The following CTBP2 variants were observed in gnomAD, a reference collection of about 807,000 sequenced individuals.
CTBP2 encodes the protein C-terminal-binding protein 2.
CTBP2 carries 30 observed loss-of-function variants against 80.3 expected under a neutral mutation model. That is an observed-to-expected ratio of 0.37 (90% CI 0.28 to 0.51). CTBP2 has a LOEUF of 0.51. Among genes scored for constraint, CTBP2 ranks in the 20% least tolerant of loss-of-function variants. CTBP2 has a pLI of 0.93. For synonymous variants in CTBP2, 594 were observed against 587.4 expected (o/e 1.01, Z -0.16); for missense variants, 1,212 against 1,375.3 (o/e 0.88, Z 1.88).
chr10:125,002,888 C>T (rs1050012976), intron 3 of CTBP2, 72 bp downstream of exon 5: 3 of 1,574,428 alleles, frequency 1.9e-6, no homozygotes, highest in South Asian at 1.1e-5. Context: ...CCAGCTGCTT[C>T]TCCAAGCCCA....
At chr10:124,993,703 C>T (rs1953037960) in intron 6 of CTBP2, 152 bp downstream of exon 8, 5 of 1,078,436 alleles carry the variant, frequency 4.6e-6, no homozygotes, top group Non-Finnish European at 6.7e-6. Context: ...GAATACAGCA[C>T]AATCCTTAGA....
chr10:125,034,402 A>T (rs1015760718), intron 3 of CTBP2, among the ~76,000 whole-genome samples: 2 of 152,204 alleles, frequency 1.3e-5, no homozygotes, highest in Non-Finnish European at 2.9e-5. Flanking sequence ...TTACCTTTGC[A>T]TAAGATTGTT....
intron 1 of CTBP2, among the ~76,000 whole-genome samples, chr10:125,147,125 T>C (rs1858923364): frequency 6.6e-6 from 1 of 152,170 alleles, no homozygotes; most frequent in South Asian, 2.1e-4. Context: ...AAGGGAGCTA[T>C]GATGATGACG....
At chr10:125,120,386 ATTTCTTTT>A (rs971472709) in intron 1 of CTBP2, among the ~76,000 whole-genome samples, 1 of 152,026 alleles carries the variant, frequency 6.6e-6, no homozygotes, top group African/African-American at 2.4e-5. Flanking sequence ...TATCAACACC[ATTTCTTTT>A]TTTCTTTTTT....
chr10:125,063,558 G>C (rs1420255342), intron 2 of CTBP2, among the ~76,000 whole-genome samples: 2 of 152,152 alleles, frequency 1.3e-5, no homozygotes, highest in Non-Finnish European at 2.9e-5. Context: ...GAAGTAAAAT[G>C]CTCATCCTCT....
intron 1 of CTBP2, among the ~76,000 whole-genome samples, chr10:125,128,158 C>T (rs980181297): frequency 1.3e-5 from 2 of 152,162 alleles, no homozygotes; most frequent in Non-Finnish European, 2.9e-5. Context: ...GTCTAGAATA[C>T]CTACTTAGCC....
rs1037615861 is a variant in CTBP2 at position 124,985,858 on chromosome 10, T to C, written c.*3660A>G. On this transcript the variant is annotated 3_prime_UTR_variant, in exon 9 of 9. Transcript: ENST00000309035. ...CACTTGGACTCCATCAACAATGTGC[T>C]GCTCCCAGATTGCCATGCCAGAGGG... The C allele has an allele frequency of 1.3e-5, 2 of 152,192 alleles. No homozygotes were observed. Among genetic ancestry groups the C allele is most frequent in the African/African-American group, 4.8e-5 (2 of 41,466 alleles). The allele number at this position is 152,192 out of a possible 1,614,324, so 9.4% of individuals were successfully genotyped here.
At position 125,102,688 on chromosome 10, in the gene CTBP2, T is replaced by A. The variant is rs949053275; in HGVS notation, c.-102+8302A>T. Among the ~76,000 whole-genome samples the A allele has an allele frequency of 9.5e-4, 145 of 152,326 alleles. 1 individual carries two copies. The highest frequency in any genetic ancestry group is 5.8e-4 in the East Asian group (3 of 5,186). Reference sequence around the variant, plus strand: ...ACTGTACTCTCATCAAAGTGAAGGTTTTTTTTAACAAATGTGGGACTGGGG... The same window carrying A: ...ACTGTACTCTCATCAAAGTGAAGGTATTTTTTAACAAATGTGGGACTGGGG... On this transcript the variant is annotated intron_variant, in intron 2 of 10. Transcript: ENST00000337195.
At chr10:125,062,365 C>T (rs977500255) in intron 2 of CTBP2, among the ~76,000 whole-genome samples, 3 of 152,174 alleles carry the variant, frequency 2.0e-5, no homozygotes, top group Non-Finnish European at 4.4e-5. Context: ...TAGGGTGTGT[C>T]TGTAAGAGAA....
intron 1 of CTBP2, among the ~76,000 whole-genome samples, chr10:125,143,523 T>C (rs1443834889): frequency 6.6e-6 from 1 of 152,226 alleles, no homozygotes; most frequent in Non-Finnish European, 1.5e-5. Flanking sequence ...TATCACACCA[T>C]GTAACATGTT....
rs1177522002 is a variant in CTBP2 at position 124,986,613 on chromosome 10, ATGC to A, written c.*2902_*2904del. 2.6e-5 allele frequency: 4 copies of A among 152,180 alleles called. No homozygotes were observed. The highest frequency in any genetic ancestry group is 7.2e-5 in the African/African-American group (3 of 41,444). The allele number at this position is 152,180 out of a possible 1,614,324, so 9.4% of individuals were successfully genotyped here. A position where few individuals can be genotyped will look rare whatever the true frequency, so the allele number is the denominator to read the frequency against. ...GAAATGAATCTTTGATATAATGTAA[ATGC>A]TGCTGTTTGTTTCAAGTGGTGAATG... On this transcript the variant is annotated 3_prime_UTR_variant, in exon 9 of 9. Transcript: ENST00000309035.
intron 2 of CTBP2, among the ~76,000 whole-genome samples, chr10:125,072,597 CAG>C (rs1467677899): frequency 1.7e-5 from 2 of 119,872 alleles, no homozygotes; most frequent in African/African-American, 6.5e-5. Flanking sequence ...GCCTGGACAA[CAG>C]AGTGCAGAGT....
chr10:125,052,365 G>A (rs1962985740), intron 2 of CTBP2, among the ~76,000 whole-genome samples: 2 of 152,214 alleles, frequency 1.3e-5, no homozygotes, highest in Admixed American at 1.3e-4. Flanking sequence ...GCAGGTCCCA[G>A]AGCTGACCCC....
At chr10:125,106,261 G>A (rs534793887) in intron 2 of CTBP2, among the ~76,000 whole-genome samples, 1 of 99,568 alleles carries the variant, frequency 1.0e-5, no homozygotes, top group South Asian at 3.0e-4. Flanking sequence ...CCTGGGTGTG[G>A]GGACGGTACC....
At chr10:125,127,172 C>T (rs1429254955) in intron 1 of CTBP2, among the ~76,000 whole-genome samples, 1 of 152,210 alleles carries the variant, frequency 6.6e-6, no homozygotes, top group East Asian at 1.9e-4. Flanking sequence ...AGGCTCCTTA[C>T]CACCTGCCTT....
intron 7 of CTBP2, 32 bp downstream of exon 9, chr10:124,993,151 ACTGTGGAGCTGAGGCTGCC>A (rs756367639): frequency 1.3e-6 from 2 of 1,568,676 alleles, no homozygotes; most frequent in Non-Finnish European, 1.7e-6. Flanking sequence ...AGCCGGCTGC[ACTGTGGAGCTGAGGCTGCC>A]CTTGGCAGGC....
rs753297312 is a variant in CTBP2, at chr10:125,026,183, G to A, written c.1577C>T (p.Pro526Leu). The A allele has an allele frequency of 1.3e-5, 21 of 1,611,824 alleles. No homozygotes were observed. In the East Asian group the frequency reaches 1.8e-4, roughly 14 times the overall value. The change falls in exon 1 of 9, where the codon CCG becomes CTG. Residue 526 changes from proline (P) to leucine (L), a missense_variant. Physicochemically the swap from Pro to Leu is moderately conservative, Grantham distance 98 (BLOSUM62 -3). This residue lies in a region of CTBP2 where 848 missense variants were observed against 782.3 expected (regional missense o/e 1.08). Coordinates refer to ENST00000309035, the MANE Select transcript of CTBP2 (RefSeq NM_022802.3). ...AGGCGTGTGGAGGCTCTGGCTGGCC[G>A]GCGGCAGGGTGGATGGCCCCAGGGG...
intron 2 of CTBP2, among the ~76,000 whole-genome samples, chr10:125,049,889 T>C (rs1288366992): frequency 1.3e-5 from 2 of 152,166 alleles, no homozygotes; most frequent in South Asian, 2.1e-4. Context: ...CCAACTCTTC[T>C]GCCCAGCCTG....
intron 2 of CTBP2, among the ~76,000 whole-genome samples, chr10:125,078,329 G>T (rs142725595): frequency 6.6e-6 from 1 of 151,640 alleles, no homozygotes; most frequent in Non-Finnish European, 1.5e-5. Context: ...GGGCTTGGGC[G>T]TTGAGATCAA....
Sources: allele counts gnomAD v4.1 joint callset (sites outside exome capture counted in the v4.1 genomes callset), GRCh38; gene constraint gnomAD v4.1.1; regional missense constraint gnomAD v4.1.1; transcripts MANE v1.5; gene names NCBI Gene and HGNC (gene_info 2026-07-23, HGNC 2026-07-21).